Variants in CMTM8 observed in about 807,000 individuals in gnomAD.
The protein encoded by CMTM8 is CKLF like MARVEL transmembrane domain containing 8.
In CMTM8, 12 loss-of-function variants were observed where a neutral mutation model predicts 18.6. That is an observed-to-expected ratio of 0.65 (90% confidence interval 0.41 to 1.05). CMTM8 has a LOEUF of 1.05. Ranked by LOEUF, CMTM8 falls within the 50% of genes least tolerant of loss-of-function variation. CMTM8 has a pLI of 0.00. For synonymous variants in CMTM8, 87 were observed against 90.6 expected, an observed-to-expected ratio of 0.96 and a Z score of 0.23; for missense variants, 217 against 227.2, an observed-to-expected ratio of 0.95 and a Z score of 0.29.
At chr3:32,295,121 A>G (rs1237878861) in intron 1 of CMTM8, among the ~76,000 whole-genome samples, 1 of 152,068 alleles carries the variant, frequency 6.6e-6, no homozygotes, top group Non-Finnish European at 1.5e-5. Flanking sequence ...TTATTCAGCA[A>G]TTATTTGAAC....
chr3:32,298,824 T>A (rs1449922234), intron 1 of CMTM8, among the ~76,000 whole-genome samples: 1 of 91,842 alleles, frequency 1.1e-5, no homozygotes, highest in Non-Finnish European at 2.1e-5. Flanking sequence ...TACACGTGTG[T>A]ATGTGTATAT....
At chr3:32,313,707 C>T (rs892642271) in intron 1 of CMTM8, among the ~76,000 whole-genome samples, 21 of 152,128 alleles carry the variant, frequency 1.4e-4, no homozygotes, top group Non-Finnish European at 2.6e-4. Context: ...CTCTGGAATC[C>T]GTGTTTAGCA....
chr3:32,283,767 A>G (rs1702638962), intron 1 of CMTM8, among the ~76,000 whole-genome samples: 2 of 152,160 alleles, frequency 1.3e-5, no homozygotes, highest in Admixed American at 6.5e-5. Context: ...GAGGAGGAAT[A>G]AGCAAGAAAT....
intron 1 of CMTM8, among the ~76,000 whole-genome samples, chr3:32,307,805 A>G (rs958425898): frequency 2.6e-5 from 4 of 152,270 alleles, no homozygotes; most frequent in South Asian, 2.1e-4. Context: ...GGAGCCATAG[A>G]ATTTGCATTC....
chr3:32,258,436 A>T (rs1472869783), intron 1 of CMTM8, among the ~76,000 whole-genome samples: 1 of 152,196 alleles, frequency 6.6e-6, no homozygotes, highest in Non-Finnish European at 1.5e-5. Flanking sequence ...ATAAGGAATA[A>T]TGACCCTCTT....
intron 1 of CMTM8, among the ~76,000 whole-genome samples, chr3:32,283,881 T>A (rs1435761794): frequency 6.6e-6 from 1 of 152,222 alleles, no homozygotes; most frequent in Non-Finnish European, 1.5e-5. Flanking sequence ...AAACTCCATT[T>A]GTAAATATTT....
chr3:32,247,554 G>T (rs1309756415), intron 1 of CMTM8, among the ~76,000 whole-genome samples: 1 of 151,934 alleles, frequency 6.6e-6, no homozygotes, highest in Non-Finnish European at 1.5e-5. Flanking sequence ...TCAAACTCCT[G>T]ACCTCAAGTG....
chr3:32,324,859 G>A (rs181725701), intron 1 of CMTM8, among the ~76,000 whole-genome samples: 1 of 152,338 alleles, frequency 6.6e-6, no homozygotes, highest in East Asian at 1.9e-4. Flanking sequence ...TTATATACTA[G>A]GTTGGACAAA....
chr3:32,283,358 C>T (rs1228050003), intron 1 of CMTM8, among the ~76,000 whole-genome samples: 1 of 152,202 alleles, frequency 6.6e-6, no homozygotes, highest in Admixed American at 6.5e-5. Flanking sequence ...TGAATTGGCT[C>T]CAATTGGGGG....
At chr3:32,303,612 G>A (rs756544799) in intron 1 of CMTM8, among the ~76,000 whole-genome samples, 18 of 151,986 alleles carry the variant, frequency 1.2e-4, no homozygotes, top group Non-Finnish European at 1.0e-4. Flanking sequence ...GATGGTAACC[G>A]AGCTTCCCCC....
At chr3:32,249,858 C>T (rs1458449485) in intron 1 of CMTM8, among the ~76,000 whole-genome samples, 1 of 152,100 alleles carries the variant, frequency 6.6e-6, no homozygotes, top group Non-Finnish European at 1.5e-5. Flanking sequence ...AGACTATGTC[C>T]TTAGAAGTAC....
intron 1 of CMTM8, among the ~76,000 whole-genome samples, chr3:32,252,822 G>A (rs550367851): frequency 1.3e-5 from 2 of 152,076 alleles, no homozygotes; most frequent in Non-Finnish European, 2.9e-5. Flanking sequence ...TCAAATAATT[G>A]GGATGATGTA....
At chr3:32,302,949 A>C (rs1355155552) in intron 1 of CMTM8, among the ~76,000 whole-genome samples, 1 of 152,192 alleles carries the variant, frequency 6.6e-6, no homozygotes, top group African/African-American at 2.4e-5. Context: ...CTGGTCTCAC[A>C]CTTAAATACC....
At chr3:32,342,730 A>G (rs565706614) in intron 1 of CMTM8, among the ~76,000 whole-genome samples, 1 of 152,368 alleles carries the variant, frequency 6.6e-6, no homozygotes, top group East Asian at 1.9e-4. Flanking sequence ...TTACAGAGAA[A>G]AGTAGGTTTT....
intron 1 of CMTM8, among the ~76,000 whole-genome samples, chr3:32,355,693 T>A (rs549101975): frequency 2.6e-5 from 4 of 152,320 alleles, no homozygotes; most frequent in Admixed American, 6.5e-5. Context: ...GCCCTTCGGA[T>A]AAAGCACAAA....
chr3:32,319,075 T>TA (rs1553605531), intron 1 of CMTM8, among the ~76,000 whole-genome samples: 683 of 25,072 alleles, frequency 0.027, 2 homozygotes, highest in South Asian at 0.03. Flanking sequence ...TATATATATA[T>TA]TTTTTTTTTT....
intron 1 of CMTM8, among the ~76,000 whole-genome samples, chr3:32,285,673 T>A (rs1313442262): frequency 2.0e-5 from 3 of 152,158 alleles, no homozygotes; most frequent in African/African-American, 7.2e-5. Context: ...GATGGATGTA[T>A]AACACCTCTC....
At chr3:32,248,878 C>T (rs1317839783) in intron 1 of CMTM8, among the ~76,000 whole-genome samples, 1 of 151,730 alleles carries the variant, frequency 6.6e-6, no homozygotes, top group African/African-American at 2.4e-5. Flanking sequence ...GAATTCCTGG[C>T]CTAAAGTGAT....
At chr3:32,273,835 G>T (rs1702477595) in intron 1 of CMTM8, among the ~76,000 whole-genome samples, 1 of 152,104 alleles carries the variant, frequency 6.6e-6, no homozygotes. Flanking sequence ...TGAATTTTAT[G>T]ATGTATGCAT....
Sources: allele counts gnomAD v4.1 joint callset (sites outside exome capture counted in the v4.1 genomes callset), GRCh38; gene constraint gnomAD v4.1.1; transcripts MANE v1.5; gene names NCBI Gene and HGNC (gene_info 2026-07-23, HGNC 2026-07-21).